LRMDA: variants seen among roughly 807,000 people sequenced by gnomAD.
LRMDA encodes leucine-rich melanocyte differentiation-associated protein.
A neutral mutation model predicts 29.8 loss-of-function variants in LRMDA; 18 were observed. The observed-to-expected ratio is 0.60, with a 90% CI of 0.42 to 0.90. LRMDA has a LOEUF of 0.90. LRMDA is among the 40% of genes least tolerant of loss of function. The probability of loss-of-function intolerance (pLI) is 0.00; values close to 1 mark genes in which losing one functional copy is unlikely to be tolerated. For synonymous variants in LRMDA, 125 were observed against 109.4 expected, an observed-to-expected ratio of 1.14 and a Z score of -0.89; for missense variants, 273 against 273.9, an observed-to-expected ratio of 1.00 and a Z score of 0.02.
chr10:76,095,076 C>T lies in LRMDA; in HGVS notation c.516+36293C>T, dbSNP rs73283341. On this transcript the variant is annotated intron_variant, in intron 5 of 6. Transcript: ENST00000611255. The stretch of plus-strand genomic sequence containing the variant: ...CAAAGATGTCTGATAATTATCATAA[C>T]AATCAAGATAATGAACAGTTACCTT... Among the ~76,000 whole-genome samples, 492 of 152,298 alleles carry T rather than the reference C, an allele frequency of 3.2e-3. 1 individual carries two copies. Among genetic ancestry groups the T allele is most frequent in the African/African-American group, 0.011 (468 of 41,564 alleles).
chr10:75,509,642 A>G (rs1218249971), intron 2 of LRMDA, among the ~76,000 whole-genome samples: 2 of 152,200 alleles, frequency 1.3e-5, no homozygotes, highest in African/African-American at 2.4e-5. Flanking sequence ...ACTAGCATCC[A>G]TGTTTCTATT....
intron 2 of LRMDA, among the ~76,000 whole-genome samples, chr10:75,791,745 A>G (rs1425416582): frequency 2.0e-5 from 3 of 152,156 alleles, no homozygotes; most frequent in African/African-American, 7.2e-5. Flanking sequence ...CCCTGGAGAA[A>G]GGGCTGGGAT....
intron 2 of LRMDA, among the ~76,000 whole-genome samples, chr10:75,583,777 A>C (rs539301551): frequency 1.3e-5 from 2 of 152,088 alleles, no homozygotes; most frequent in African/African-American, 4.8e-5. Context: ...CTCACATTGC[A>C]CCAAATCAGT....
chr10:76,209,343 A>G (rs1851595074), intron 5 of LRMDA, among the ~76,000 whole-genome samples: 1 of 151,434 alleles, frequency 6.6e-6, no homozygotes, highest in African/African-American at 2.4e-5. Flanking sequence ...CCCAGCTGAG[A>G]CCCAGGCTTC....
At chr10:75,786,322 T>C (rs1011033729) in intron 2 of LRMDA, among the ~76,000 whole-genome samples, 1 of 152,138 alleles carries the variant, frequency 6.6e-6, no homozygotes, top group Non-Finnish European at 1.5e-5. Flanking sequence ...AGTTGGGTAT[T>C]TGGGGCTCCA....
intron 5 of LRMDA, among the ~76,000 whole-genome samples, chr10:76,157,849 G>T (rs1227915026): frequency 6.6e-6 from 1 of 152,028 alleles, no homozygotes; most frequent in Non-Finnish European, 1.5e-5. Context: ...AAACCTAGAT[G>T]GTATAGCATG....
intron 5 of LRMDA, among the ~76,000 whole-genome samples, chr10:76,186,912 G>A (rs1851160599): frequency 6.6e-6 from 1 of 152,242 alleles, no homozygotes; most frequent in East Asian, 1.9e-4. Flanking sequence ...TTGGTCTTTT[G>A]CAATAATTCT....
At chr10:75,916,781 C>A (rs901043064) in intron 2 of LRMDA, among the ~76,000 whole-genome samples, 2 of 152,110 alleles carry the variant, frequency 1.3e-5, no homozygotes, top group African/African-American at 4.8e-5. Flanking sequence ...TTGAGCAAGA[C>A]CCTGTCAGCT....
intron 2 of LRMDA, among the ~76,000 whole-genome samples, chr10:75,525,592 C>CTTTTTTT (rs11415547): frequency 1.5e-4 from 19 of 129,708 alleles, no homozygotes; most frequent in Non-Finnish European, 2.4e-4. Flanking sequence ...TTCTTTCTTT[C>CTTTTTTT]TTTTTTTTTT....
intron 2 of LRMDA, among the ~76,000 whole-genome samples, chr10:75,834,224 A>C (rs535795074): frequency 1.7e-4 from 26 of 152,348 alleles, no homozygotes; most frequent in African/African-American, 6.3e-4. Flanking sequence ...TCATTCCATG[A>C]GACAAAAGGG....
chr10:75,905,784 T>C (rs1180512464), intron 2 of LRMDA, among the ~76,000 whole-genome samples: 1 of 152,136 alleles, frequency 6.6e-6, no homozygotes, highest in Admixed American at 6.5e-5. Flanking sequence ...GCATAGACAA[T>C]GTTCATGCTG....
chr10:75,866,402 C>G (rs111341910), intron 2 of LRMDA, among the ~76,000 whole-genome samples: 76 of 152,344 alleles, frequency 5.0e-4, no homozygotes, highest in African/African-American at 1.8e-3. Context: ...CTGCCTTTCC[C>G]TGGCTTCAGA....
intron 2 of LRMDA, among the ~76,000 whole-genome samples, chr10:75,906,857 A>G (rs114466500): frequency 5.0e-4 from 72 of 143,328 alleles, no homozygotes; most frequent in African/African-American, 1.8e-3. Context: ...TCCTCTGAAC[A>G]TAAGTGGACT....
intron 5 of LRMDA, among the ~76,000 whole-genome samples, chr10:76,152,898 T>G (rs577248273): frequency 1.4e-3 from 216 of 152,118 alleles, no homozygotes; most frequent in Admixed American, 2.4e-3. Flanking sequence ...TGGTGTGCAG[T>G]GGCGTGATCT....
In LRMDA at chr10:75,698,771, AC is replaced by A. The variant is rs532443471; in HGVS notation, c.131+260279del. Among the ~76,000 whole-genome samples the A allele has an allele frequency of 2.1e-3, 326 of 152,240 alleles. 2 individuals are homozygous for A. Among genetic ancestry groups the A allele is most frequent in the African/African-American group, 7.5e-3 (313 of 41,552 alleles). On this transcript the variant is annotated intron_variant, in intron 2 of 6. Coordinates refer to ENST00000611255, the MANE Select transcript of LRMDA (RefSeq NM_001305581.2). ...TTTTTAAAAACCCTCAAAAAGCAGA[AC>A]CTTTATAATGGTTATGAGTTGGGGA... is the stretch of plus-strand genomic sequence containing the variant.
intron 2 of LRMDA, among the ~76,000 whole-genome samples, chr10:75,636,167 G>A (rs1841388009): frequency 6.6e-6 from 1 of 152,190 alleles, no homozygotes; most frequent in Non-Finnish European, 1.5e-5. Flanking sequence ...GTTGAAGGAA[G>A]TACATCAGTT....
At chr10:75,636,585 AAAT>A (rs1841392915) in intron 2 of LRMDA, among the ~76,000 whole-genome samples, 1 of 152,180 alleles carries the variant, frequency 6.6e-6, no homozygotes, top group African/African-American at 2.4e-5. Context: ...ATAAAATAAG[AAAT>A]AATAAAAAAT....
At chr10:75,961,785 CTTGAACAACAGAAA>C (rs1472406043) in intron 2 of LRMDA, among the ~76,000 whole-genome samples, 9 of 152,196 alleles carry the variant, frequency 5.9e-5, no homozygotes, top group Non-Finnish European at 8.8e-5. Flanking sequence ...CGTTGGATAG[CTTGAACAACAGAAA>C]TTTACTATCT....
chr10:75,689,935 T>C (rs1330679408), intron 2 of LRMDA, among the ~76,000 whole-genome samples: 3 of 151,854 alleles, frequency 2.0e-5, no homozygotes, highest in Admixed American at 6.5e-5. Context: ...TTGGACTAGA[T>C]TGGTGGCTTT....
Sources: allele counts gnomAD v4.1 joint callset (sites outside exome capture counted in the v4.1 genomes callset), GRCh38; gene constraint gnomAD v4.1.1; transcripts MANE v1.5; gene names NCBI Gene and HGNC (gene_info 2026-07-23, HGNC 2026-07-21).